HTR1E: variants seen among roughly 807,000 people sequenced by gnomAD.
HTR1E encodes the protein 5-hydroxytryptamine receptor 1E, also known as 5-HT-1E.
A neutral mutation model predicts 3.4 loss-of-function variants in HTR1E; 3 were observed. The observed-to-expected ratio is 0.89, with a 90% CI of 0.41 to 2.31. The LOEUF is 2.31. Among genes scored for constraint, HTR1E ranks in the 30% most tolerant of loss-of-function variants. The pLI, the probability that HTR1E is intolerant of heterozygous loss-of-function variation, is 0.05. For synonymous variants in HTR1E, 170 were observed against 182.8 expected (o/e 0.93, Z 0.56); for missense variants, 392 against 467.0 (o/e 0.84, Z 1.48).
intron 1 of HTR1E, among the ~76,000 whole-genome samples, chr6:86,976,728 C>CAAT (rs1767644635): frequency 6.6e-6 from 1 of 152,228 alleles, no homozygotes; most frequent in Admixed American, 6.5e-5. Flanking sequence ...GTGTCTGACT[C>CAAT]AATCCCCTAC....
intron 1 of HTR1E, among the ~76,000 whole-genome samples, chr6:87,005,971 T>C (rs962023982): frequency 6.6e-6 from 1 of 152,118 alleles, no homozygotes; most frequent in African/African-American, 2.4e-5. Flanking sequence ...AAATGGTATA[T>C]GAAAAGGTCT....
intron 1 of HTR1E, among the ~76,000 whole-genome samples, chr6:86,946,105 A>G (rs996529724): frequency 8.5e-5 from 13 of 152,138 alleles, no homozygotes; most frequent in African/African-American, 3.1e-4. Flanking sequence ...TGGAGAGAGA[A>G]AAAATGGTTT....
At position 87,015,221 on chromosome 6, in the gene HTR1E, A is replaced by C. The variant is rs1768300386; in HGVS notation, c.-114A>C. 2 of 859,488 alleles carry C rather than the reference A, an allele frequency of 2.3e-6. No homozygotes were observed. Among genetic ancestry groups the C allele is most frequent in the Admixed American group, 3.3e-5 (1 of 30,422 alleles). The allele number at this position is 859,488 out of a possible 1,614,324, so 53.2% of individuals were successfully genotyped here. ...GAAAATGGAACACAAGAGACCACAT[A>C]GCTGAACAAATTATAGCCTCCTTAC... On this transcript the variant is annotated 5_prime_UTR_variant, in exon 2 of 2. An upstream open reading frame in the 5' UTR loses its in-frame stop. Transcript: ENST00000305344.
chr6:86,983,398 C>G (rs1767740059), intron 1 of HTR1E, among the ~76,000 whole-genome samples: 1 of 152,040 alleles, frequency 6.6e-6, no homozygotes, highest in African/African-American at 2.4e-5. Flanking sequence ...ACCTCAAGTT[C>G]TAGGAAAAGG....
At chr6:86,955,689 A>G (rs1447708755) in intron 1 of HTR1E, among the ~76,000 whole-genome samples, 1 of 152,174 alleles carries the variant, frequency 6.6e-6, no homozygotes, top group Non-Finnish European at 1.5e-5. Context: ...ATAACATTTT[A>G]CATAACAGAA....
At chr6:87,010,176 C>T (rs1768189853) in intron 1 of HTR1E, among the ~76,000 whole-genome samples, 4 of 92,408 alleles carry the variant, frequency 4.3e-5, no homozygotes, top group South Asian at 8.0e-4. Context: ...GGCGGCTGGC[C>T]GGGCGGGGGG....
At chr6:86,989,570 G>T (rs987530666) in intron 1 of HTR1E, among the ~76,000 whole-genome samples, 1 of 152,082 alleles carries the variant, frequency 6.6e-6, no homozygotes, top group East Asian at 1.9e-4. Context: ...TACATTATTG[G>T]TCCTTGTTGA....
At chr6:87,010,313 G>A (rs1283219786) in intron 1 of HTR1E, among the ~76,000 whole-genome samples, 1 of 113,920 alleles carries the variant, frequency 8.8e-6, no homozygotes, top group Non-Finnish European at 1.7e-5. Flanking sequence ...CGGGCGGGGG[G>A]GCTGACCCCC....
At chr6:86,972,698 T>G (rs577151805) in intron 1 of HTR1E, among the ~76,000 whole-genome samples, 4 of 152,208 alleles carry the variant, frequency 2.6e-5, no homozygotes, top group Non-Finnish European at 4.4e-5. Context: ...ATAATATAAT[T>G]GTTTTTAAGT....
chr6:86,960,936 A>T (rs1767398903), intron 1 of HTR1E, among the ~76,000 whole-genome samples: 1 of 152,344 alleles, frequency 6.6e-6, no homozygotes, highest in South Asian at 2.1e-4. Flanking sequence ...ATTTAAAAAA[A>T]ATTGATTTCC....
At chr6:87,000,944 AACAG>A (rs1268420482) in intron 1 of HTR1E, among the ~76,000 whole-genome samples, 1 of 152,238 alleles carries the variant, frequency 6.6e-6, no homozygotes, top group African/African-American at 2.4e-5. Flanking sequence ...AACTTTGCAA[AACAG>A]ACAGTTAATA....
chr6:86,955,365 G>T (rs1767305951), intron 1 of HTR1E, among the ~76,000 whole-genome samples: 1 of 134,038 alleles, frequency 7.5e-6, no homozygotes. Context: ...ACGTTAGAAT[G>T]CTCTGTACAT....
rs141247281 is a variant in HTR1E at position 87,016,324 on chromosome 6, G to C, written c.990G>C (p.Thr330=). 3 of 1,614,180 alleles carry C rather than the reference G, an allele frequency of 1.9e-6. No individual in the cohort carries two copies. In the South Asian group the frequency reaches 3.3e-5, roughly 18 times the overall value. The change falls in exon 2 of 2, where the codon ACG becomes ACC. Residue 330 remains threonine, a synonymous_variant. Coordinates refer to ENST00000305344, the MANE Select transcript of HTR1E (RefSeq NM_000865.3). The part of the protein sequence containing the change: ...TVSSEVADFL[T]WLGYVNSLIN... ...CCTCGGAAGTGGCCGACTTTCTGAC[G>C]TGGCTCGGTTATGTGAATTCTCTGA...
chr6:86,995,688 GAAAAAAAAAAA>G (rs58476122), intron 1 of HTR1E, among the ~76,000 whole-genome samples: 6 of 55,206 alleles, frequency 1.1e-4, no homozygotes, highest in Admixed American at 3.1e-4. Flanking sequence ...AAAAAAAAAA[GAAAAAAAAAAA>G]AAAAAGAAAA....
chr6:86,965,494 C>T lies in HTR1E; in HGVS notation c.-186+27671C>T, dbSNP rs187593125. ...TCACCCACATAAATTCTGATTTAAT[C>T]GTTCTGGAATAGGTTTGAGTCATCA... On this transcript the variant is annotated intron_variant, in intron 1 of 1. Transcript: ENST00000305344. 1.4e-4 allele frequency among the ~76,000 whole-genome samples: 22 copies of T among 152,142 alleles called. No individual in the cohort carries two copies. In the East Asian group the frequency reaches 2.5e-3, roughly 17 times the overall value.
chr6:86,971,004 C>T lies in HTR1E; in HGVS notation c.-186+33181C>T, dbSNP rs764428848. 61 of 448,022 alleles carry T rather than the reference C, an allele frequency of 1.4e-4. No homozygotes were observed. The Middle Eastern group carries it at 1.5e-3, about 11-fold the overall frequency. 27.8% of individuals were successfully genotyped at this position (448,022 alleles called of 1,614,324 possible). On this transcript the variant is annotated intron_variant, in intron 1 of 1. Coordinates refer to ENST00000305344, the MANE Select transcript of HTR1E (RefSeq NM_000865.3). ...CTCTTGGCAAATATGGCATCATCTG[C>T]TTGGAGGATCTGATTCATGAGATCT...
chr6:86,982,517 T>A (rs1435712315), intron 1 of HTR1E, among the ~76,000 whole-genome samples: 2 of 152,160 alleles, frequency 1.3e-5, no homozygotes, highest in Non-Finnish European at 2.9e-5. Context: ...CAGGAATGGG[T>A]CAGCCCTGAA....
At chr6:87,001,645 G>A (rs1768025501) in intron 1 of HTR1E, among the ~76,000 whole-genome samples, 1 of 152,202 alleles carries the variant, frequency 6.6e-6, no homozygotes, top group South Asian at 2.1e-4. Flanking sequence ...AAGAATTAGA[G>A]AGGGGCAAGG....
intron 1 of HTR1E, among the ~76,000 whole-genome samples, chr6:86,988,925 G>A (rs1023716699): frequency 3.3e-5 from 5 of 152,154 alleles, no homozygotes; most frequent in African/African-American, 1.2e-4. Context: ...CGTGTTCAAA[G>A]TTAAAACCAG....
Sources: gnomAD v4.1 joint callset for allele counts (sites outside exome capture counted in the v4.1 genomes callset) on GRCh38, gnomAD v4.1.1 for gene constraint, MANE v1.5 for transcripts, NCBI Gene and HGNC (gene_info 2026-07-23, HGNC 2026-07-21) for gene names.